Variants in RGSL1 observed in about 807,000 individuals in gnomAD.
RGSL1 encodes regulator of G protein signaling like 1.
Under a neutral mutation model 124.7 loss-of-function variants are expected in RGSL1, and 97 were observed. The ratio of observed to expected loss-of-function variants is 0.78; its 90% CI spans 0.66 to 0.92. The LOEUF (loss-of-function observed/expected upper bound fraction) is 0.92. Ranked by LOEUF, RGSL1 falls within the 40% of genes least tolerant of loss-of-function variation. RGSL1 has a pLI of 0.00. For synonymous variants in RGSL1, 424 were observed against 438.1 expected (o/e 0.97, Z 0.40); for missense variants, 1,233 against 1,288.4 (o/e 0.96, Z 0.66).
intron 11 of RGSL1, among the ~76,000 whole-genome samples, chr1:182,528,038 A>T (rs1056561946): frequency 6.6e-6 from 1 of 152,204 alleles, no homozygotes; most frequent in Non-Finnish European, 1.5e-5. Context: ...AGAAAAGAGG[A>T]TTGATTGACT....
intron 9 of RGSL1, among the ~76,000 whole-genome samples, chr1:182,513,980 A>G (rs1228130307): frequency 1.4e-5 from 2 of 147,360 alleles, no homozygotes; most frequent in Non-Finnish European, 3.0e-5. Context: ...TGCAACCTCC[A>G]TCTCCTGGGT....
intron 9 of RGSL1, among the ~76,000 whole-genome samples, chr1:182,501,186 T>C (rs915674873): frequency 2.0e-5 from 3 of 152,048 alleles, no homozygotes; most frequent in African/African-American, 7.2e-5. Flanking sequence ...ATAATTTTTA[T>C]GATGAAAGAA....
rs187953205 is a variant in RGSL1, at chr1:182,511,129, G to A, written c.1826-10875G>A. ...TTTTTGTATATGATGAGAGATAGAG[G>A]TCTAGTTTCATTCTTCTCCATATAG... On this transcript the variant is annotated intron_variant, in intron 9 of 21. Coordinates refer to ENST00000294854, the MANE Select transcript of RGSL1 (RefSeq NM_001137669.2). Among the ~76,000 whole-genome samples the A allele has an allele frequency of 3.4e-3, 522 of 152,158 alleles. 1 individual carries two copies. The highest frequency in any genetic ancestry group is 0.014 in the Middle Eastern group (4 of 294).
At chr1:182,554,602 A>G (rs774985392) in intron 19 of RGSL1, 25 bp from the exon 20 acceptor site, 1 of 1,550,004 alleles carries the variant, frequency 6.5e-7, no homozygotes. Flanking sequence ...GTCCTGATGC[A>G]ATTTTTCTCT....
intron 11 of RGSL1, among the ~76,000 whole-genome samples, chr1:182,528,412 C>T (rs1658917910): frequency 6.6e-6 from 1 of 152,178 alleles, no homozygotes; most frequent in African/African-American, 2.4e-5. Context: ...AGTCTTAACT[C>T]ATTCCAGCAT....
intron 9 of RGSL1, among the ~76,000 whole-genome samples, chr1:182,508,295 T>G (rs904891672): frequency 1.5e-5 from 2 of 134,560 alleles, no homozygotes; most frequent in Non-Finnish European, 1.6e-5. Context: ...GTGGTGTTTT[T>G]TTTTTTTTTT....
intron 2 of RGSL1, among the ~76,000 whole-genome samples, chr1:182,455,978 G>A (rs917664132): frequency 6.6e-6 from 1 of 152,222 alleles, no homozygotes; most frequent in Non-Finnish European, 1.5e-5. Flanking sequence ...GGAAGGGAAA[G>A]CGGTTAGGAG....
In RGSL1 at chr1:182,548,308, C is replaced by CT; in HGVS notation, c.2670-3dup. 3 of 1,551,764 alleles carry CT rather than the reference C, an allele frequency of 1.9e-6. No homozygotes were observed. Among genetic ancestry groups the CT allele is most frequent in the Non-Finnish European group, 2.6e-6 (3 of 1,146,972 alleles). Reference sequence around the variant, plus strand: ...CCTCCTGATTTCCTACTTCACATTTCTTTTTTAGATTTAATGATCTGGTCA... The same window carrying CT: ...CCTCCTGATTTCCTACTTCACATTTCTTTTTTTAGATTTAATGATCTGGTCA... On this transcript the variant is annotated splice_polypyrimidine_tract_variant and intron_variant, in intron 15 of 21. Transcript: ENST00000294854.
intron 14 of RGSL1, among the ~76,000 whole-genome samples, chr1:182,535,267 A>G (rs1659457091): frequency 6.6e-6 from 1 of 152,166 alleles, no homozygotes; most frequent in South Asian, 2.1e-4. Context: ...TAAAATGTAC[A>G]TGTGTTTTCA....
At position 182,457,693 on chromosome 1, in the gene RGSL1, G is replaced by A. The variant is rs78708981; in HGVS notation, c.97-626G>A. On this transcript the variant is annotated intron_variant, in intron 2 of 21. Transcript: ENST00000294854. ...TGGGACACTTTGAAGACATTTTGTT[G>A]CCCATGATGAGACTGCTTAAGTTTA... Among the ~76,000 whole-genome samples the A allele has an allele frequency of 1.0e-2, 1,516 of 152,278 alleles. 28 individuals carry two copies. The highest frequency in any genetic ancestry group is 0.034 in the African/African-American group (1,401 of 41,558).
At chr1:182,466,622 G>A (rs1653352130) in intron 4 of RGSL1, among the ~76,000 whole-genome samples, 1 of 152,096 alleles carries the variant, frequency 6.6e-6, no homozygotes, top group Admixed American at 6.6e-5. Context: ...ATTCACTTAA[G>A]GAGGTGAAAG....
chr1:182,458,648 T>C (rs969757219), intron 3 of RGSL1, among the ~76,000 whole-genome samples: 1 of 151,978 alleles, frequency 6.6e-6, no homozygotes, highest in Non-Finnish European at 1.5e-5. Flanking sequence ...ATTTTTTGTA[T>C]TTTTGGTAGA....
At chr1:182,504,156 T>C (rs1369671457) in intron 9 of RGSL1, among the ~76,000 whole-genome samples, 2 of 151,970 alleles carry the variant, frequency 1.3e-5, no homozygotes, top group African/African-American at 4.8e-5. Flanking sequence ...AATTTTTGTA[T>C]TTTTAGTAGA....
At chr1:182,471,490 C>A (rs1653838239) in intron 4 of RGSL1, 1 of 384,110 alleles carries the variant, frequency 2.6e-6, no homozygotes, top group East Asian at 7.3e-5. Context: ...TGAATATAAA[C>A]ATGTTTAATA....
At chr1:182,509,878 C>A (rs1306818052) in intron 9 of RGSL1, among the ~76,000 whole-genome samples, 19 of 141,288 alleles carry the variant, frequency 1.3e-4, no homozygotes, top group Non-Finnish European at 2.8e-4. Context: ...CCTCACTTCC[C>A]AGATGGGGTG....
At position 182,548,770 on chromosome 1, in the gene RGSL1, T is replaced by C; in HGVS notation, c.2879T>C (p.Val960Ala). The change falls in exon 17 of 22, where the codon GTC becomes GCC. Residue 960 changes from valine to alanine, a missense_variant. Physicochemically the swap from Val to Ala is moderately conservative, Grantham distance 64. Coordinates refer to ENST00000294854, the MANE Select transcript of RGSL1 (RefSeq NM_001137669.2). ...AITEGYLDRS[V>A]FHGAIMSVFP... Reference sequence around the variant, plus strand: ...ACAGAGGGCTACCTAGATCGGAGCGTCTTCCATGGGGCTATCATGTCTGTC... The same window carrying C: ...ACAGAGGGCTACCTAGATCGGAGCGCCTTCCATGGGGCTATCATGTCTGTC... 3.2e-6 allele frequency: 5 copies of C among 1,551,628 alleles called. No individual in the cohort carries two copies. Among genetic ancestry groups the C allele is most frequent in the Non-Finnish European group, 4.4e-6 (5 of 1,146,984 alleles).
At chr1:182,450,741 G>A (rs1004073247) in intron 1 of RGSL1, among the ~76,000 whole-genome samples, 4 of 152,174 alleles carry the variant, frequency 2.6e-5, no homozygotes, top group African/African-American at 9.7e-5. Context: ...ACAATCACTA[G>A]GGAATTTCTG....
At chr1:182,495,816 T>C (rs538159516) in intron 9 of RGSL1, among the ~76,000 whole-genome samples, 11 of 152,220 alleles carry the variant, frequency 7.2e-5, no homozygotes, top group African/African-American at 2.4e-4. Flanking sequence ...ACAGTGGTAA[T>C]GACATGGGTG....
intron 14 of RGSL1, among the ~76,000 whole-genome samples, chr1:182,534,309 C>G (rs751097214): frequency 2.0e-5 from 3 of 152,158 alleles, no homozygotes; most frequent in Non-Finnish European, 2.9e-5. Flanking sequence ...ATTTTAAAAA[C>G]TGCCAACCTG....
Sources: allele counts gnomAD v4.1 joint callset (sites outside exome capture counted in the v4.1 genomes callset), GRCh38; gene constraint gnomAD v4.1.1; transcripts MANE v1.5; gene names NCBI Gene and HGNC (gene_info 2026-07-23, HGNC 2026-07-21).